KIF6: variants seen among roughly 807,000 people sequenced by gnomAD.
The protein encoded by KIF6 is kinesin family member 6, also known as kinesin-like protein KIF6.
Under a neutral mutation model 112.7 loss-of-function variants are expected in KIF6, and 106 were observed. The observed-to-expected ratio is 0.94, with a 90% CI of 0.80 to 1.11. The LOEUF (loss-of-function observed/expected upper bound fraction) is 1.11. Ranked by LOEUF, KIF6 falls within the 50% of genes least tolerant of loss-of-function variation. The probability of loss-of-function intolerance (pLI) is 0.00; values close to 1 mark genes in which losing one functional copy is unlikely to be tolerated. For synonymous variants in KIF6, 339 were observed against 339.9 expected (o/e 1.00, Z 0.03); for missense variants, 929 against 964.0 (o/e 0.96, Z 0.48).
intron 12 of KIF6, among the ~76,000 whole-genome samples, chr6:39,542,067 T>C (rs1778817833): frequency 6.6e-6 from 1 of 152,084 alleles, no homozygotes; most frequent in African/African-American, 2.4e-5. Flanking sequence ...ATGAGGTCCG[T>C]GGGGGAGGGG....
At chr6:39,372,752 C>T (rs1766118736) in intron 16 of KIF6, among the ~76,000 whole-genome samples, 1 of 152,196 alleles carries the variant, frequency 6.6e-6, no homozygotes, top group African/African-American at 2.4e-5. Context: ...ACCCTTTCTC[C>T]TGGGCAGGCT....
intron 10 of KIF6, among the ~76,000 whole-genome samples, chr6:39,571,884 C>T (rs1395857009): frequency 3.3e-5 from 5 of 151,508 alleles, no homozygotes; most frequent in East Asian, 3.9e-4. Flanking sequence ...CCACCCCTCC[C>T]ACCCTCTCAC....
intron 16 of KIF6, among the ~76,000 whole-genome samples, chr6:39,374,764 T>A (rs1289437676): frequency 1.3e-5 from 2 of 152,230 alleles, no homozygotes; most frequent in Non-Finnish European, 2.9e-5. Context: ...CCTTGTACAC[T>A]GTTGGTGGAA....
At chr6:39,644,744 T>C (rs1022312875) in intron 3 of KIF6, among the ~76,000 whole-genome samples, 2 of 152,152 alleles carry the variant, frequency 1.3e-5, no homozygotes, top group Admixed American at 6.6e-5. Flanking sequence ...TAAATAATGG[T>C]GATTGATGGT....
At chr6:39,466,171 C>A (rs923762643) in intron 13 of KIF6, among the ~76,000 whole-genome samples, 6 of 152,194 alleles carry the variant, frequency 3.9e-5, no homozygotes, top group Non-Finnish European at 7.3e-5. Context: ...TACATAAATA[C>A]GGCTGTGTAA....
At position 39,344,835 on chromosome 6, in the gene KIF6, C is replaced by T. The variant is rs1230732062; in HGVS notation, c.2321+865G>A. 2.0e-5 allele frequency among the ~76,000 whole-genome samples: 3 copies of T among 151,624 alleles called. No homozygotes were observed. The South Asian group carries it at 6.2e-4, about 32-fold the overall frequency. On this transcript the variant is annotated intron_variant, in intron 21 of 22. Transcript: ENST00000287152. ...TCCTGTCTCTCCTTAAAAACAGAATCATATTTAGCTAAGTTGCCACAACTA... is the reference window on the plus strand; with the variant it reads ...TCCTGTCTCTCCTTAAAAACAGAATTATATTTAGCTAAGTTGCCACAACTA...
At chr6:39,591,544 C>T (rs1055560377) in intron 7 of KIF6, among the ~76,000 whole-genome samples, 21 of 152,088 alleles carry the variant, frequency 1.4e-4, no homozygotes, top group Non-Finnish European at 1.5e-4. Flanking sequence ...CTTTATGAAA[C>T]GTTTGAAGAC....
At chr6:39,655,733 GGGTCT>G (rs1785746185) in intron 3 of KIF6, among the ~76,000 whole-genome samples, 1 of 151,942 alleles carries the variant, frequency 6.6e-6, no homozygotes, top group Non-Finnish European at 1.5e-5. Flanking sequence ...ATATATACAT[GGGTCT>G]ATTTCTGAGC....
At chr6:39,694,911 T>A (rs1788434183) in intron 3 of KIF6, among the ~76,000 whole-genome samples, 1 of 152,032 alleles carries the variant, frequency 6.6e-6, no homozygotes, top group Non-Finnish European at 1.5e-5. Flanking sequence ...TTACCCAACT[T>A]CAAATTATAC....
chr6:39,578,375 C>G (rs1034143240), intron 9 of KIF6, among the ~76,000 whole-genome samples: 1 of 149,990 alleles, frequency 6.7e-6, no homozygotes, highest in Non-Finnish European at 1.5e-5. Flanking sequence ...TTCTGTCACC[C>G]AGGCTGGAGT....
At chr6:39,578,329 ATTT>A (rs35778593) in intron 9 of KIF6, among the ~76,000 whole-genome samples, 170 bp from the exon 10 acceptor site, 3 of 125,178 alleles carry the variant, frequency 2.4e-5, no homozygotes, top group African/African-American at 3.2e-5. Flanking sequence ...ATAGTTCTAG[ATTT>A]TTTTTTTTTT....
chr6:39,585,232 G>A (rs548357924), intron 8 of KIF6, among the ~76,000 whole-genome samples: 48 of 152,336 alleles, frequency 3.2e-4, no homozygotes, highest in Middle Eastern at 3.4e-3. Flanking sequence ...TGCAGGTGGT[G>A]TGGTTTCAGG....
At chr6:39,497,363 G>T (rs1221189394) in intron 13 of KIF6, among the ~76,000 whole-genome samples, 1 of 152,196 alleles carries the variant, frequency 6.6e-6, no homozygotes, top group Non-Finnish European at 1.5e-5. Flanking sequence ...TGCTGTTTAA[G>T]TCCCTTGTCA....
At position 39,613,294 on chromosome 6, in the gene KIF6, A is replaced by G. The variant is rs375216743; in HGVS notation, c.534T>C (p.Pro178=). ...AGTTTTTCAGGTGAATGTTCTGATC[A>G]GGATCCTCCAGTATTGTCACTTTCC... is the stretch of plus-strand genomic sequence containing the variant. ...DLPKVTILED[P]DQNIHLKNLT... The change falls in exon 6 of 23, where the codon CCT becomes CCC. Residue 178 remains proline (P), a synonymous_variant. Transcript: ENST00000287152. The G allele has an allele frequency of 6.2e-7, 1 of 1,600,812 alleles. No individual in the cohort carries two copies. Among genetic ancestry groups the G allele is most frequent in the Non-Finnish European group, 8.5e-7 (1 of 1,174,236 alleles).
chr6:39,682,577 T>G (rs1337819478), intron 3 of KIF6, among the ~76,000 whole-genome samples: 2 of 152,138 alleles, frequency 1.3e-5, no homozygotes, highest in African/African-American at 4.8e-5. Context: ...TGTGACTAGA[T>G]AATTTCTTTT....
intron 10 of KIF6, among the ~76,000 whole-genome samples, chr6:39,572,314 T>C (rs1780685700): frequency 6.6e-6 from 1 of 152,238 alleles, no homozygotes. Context: ...TGTGTGTATA[T>C]ATGTGTCTGT....
chr6:39,651,025 C>T (rs1785440030), intron 3 of KIF6, among the ~76,000 whole-genome samples: 1 of 151,970 alleles, frequency 6.6e-6, no homozygotes, highest in Non-Finnish European at 1.5e-5. Context: ...TGAGCATGTG[C>T]ACATATTCAC....
intron 14 of KIF6, among the ~76,000 whole-genome samples, chr6:39,429,700 C>G (rs555084685): frequency 2.0e-4 from 30 of 152,256 alleles, no homozygotes; most frequent in South Asian, 6.2e-4. Flanking sequence ...ACGAGGTCAG[C>G]AGATGAGACC....
intron 5 of KIF6, among the ~76,000 whole-genome samples, chr6:39,622,838 C>T (rs186707867): frequency 9.5e-4 from 145 of 152,302 alleles, no homozygotes; most frequent in African/African-American, 3.3e-3. Flanking sequence ...TGCATGATGA[C>T]TAAAGCTGCC....
Sources: gnomAD v4.1 joint callset for allele counts (sites outside exome capture counted in the v4.1 genomes callset) on GRCh38, gnomAD v4.1.1 for gene constraint, MANE v1.5 for transcripts, NCBI Gene and HGNC (gene_info 2026-07-23, HGNC 2026-07-21) for gene names.